The following ATF1 variants were observed in gnomAD, a reference collection of about 807,000 sequenced individuals.
The protein encoded by ATF1 is cyclic AMP-dependent transcription factor ATF-1.
Under a neutral mutation model 34.7 loss-of-function variants are expected in ATF1, and 16 were observed. That is an observed-to-expected ratio of 0.46 (90% CI 0.31 to 0.70). The LOEUF is 0.70. ATF1 is among the 30% of genes least tolerant of loss of function. The probability of loss-of-function intolerance (pLI) is 0.05; values close to 1 mark genes in which losing one functional copy is unlikely to be tolerated. For synonymous variants in ATF1, 105 were observed against 113.1 expected (o/e 0.93, Z 0.46); for missense variants, 255 against 321.6 (o/e 0.79, Z 1.58).
chr12:50,797,526 T>C (rs548214433), intron 3 of ATF1, among the ~76,000 whole-genome samples: 1 of 152,342 alleles, frequency 6.6e-6, no homozygotes, highest in South Asian at 2.1e-4. Context: ...TTGCCTGGGC[T>C]GGAGTGCAGT....
At chr12:50,815,296 A>C (rs1941820681) in intron 6 of ATF1, among the ~76,000 whole-genome samples, 1 of 131,492 alleles carries the variant, frequency 7.6e-6, no homozygotes. Flanking sequence ...GATGATCCTG[A>C]CCCTAGGCTA....
At chr12:50,769,362 C>CG (rs905118020) in intron 1 of ATF1, among the ~76,000 whole-genome samples, 2 of 151,924 alleles carry the variant, frequency 1.3e-5, no homozygotes, top group African/African-American at 2.4e-5. Context: ...AAAAGTTAGC[C>CG]GGGCATGGTG....
rs1941922377 is a variant in ATF1, at chr12:50,820,195, TTC to T, written c.*418_*419del. 3 of 207,672 alleles carry T rather than the reference TTC, an allele frequency of 1.4e-5. No individual in the cohort carries two copies. The allele number at this position is 207,672 out of a possible 1,614,324, so 12.9% of individuals were successfully genotyped here. ...ATATATGTGTGTGTGTGTGTGTAAT[TTC>T]TGCCAATAAATTCTAAATTACAAAG... On this transcript the variant is annotated 3_prime_UTR_variant, in exon 7 of 7. Coordinates refer to ENST00000262053, the MANE Select transcript of ATF1 (RefSeq NM_005171.5).
chr12:50,805,320 C>T (rs916478029), intron 3 of ATF1, among the ~76,000 whole-genome samples: 16 of 151,830 alleles, frequency 1.1e-4, no homozygotes, highest in African/African-American at 3.9e-4. Context: ...CTGTGGGAGG[C>T]CGAGGTGGCC....
At chr12:50,791,660 C>A (rs1941305096) in intron 2 of ATF1, among the ~76,000 whole-genome samples, 1 of 152,022 alleles carries the variant, frequency 6.6e-6, no homozygotes, top group African/African-American at 2.4e-5. Context: ...GAGAAGTAGT[C>A]CAGGATTTTA....
chr12:50,783,207 T>TG (rs950951096), intron 2 of ATF1, among the ~76,000 whole-genome samples: 4 of 152,298 alleles, frequency 2.6e-5, no homozygotes, highest in African/African-American at 7.2e-5. Flanking sequence ...ATAATAATTT[T>TG]GGGGGGTCCT....
chr12:50,781,209 T>C (rs144345836), intron 2 of ATF1, among the ~76,000 whole-genome samples: 3 of 152,326 alleles, frequency 2.0e-5, no homozygotes, highest in African/African-American at 7.2e-5. Context: ...ATATATAACC[T>C]ACATATTTTC....
intron 1 of ATF1, 46 bp from the exon 2 acceptor site, chr12:50,780,094 A>G: frequency 7.1e-7 from 1 of 1,415,638 alleles, no homozygotes; most frequent in Non-Finnish European, 1.0e-6. Flanking sequence ...TACTGTAAAC[A>G]TTCTGTATCA....
intron 3 of ATF1, among the ~76,000 whole-genome samples, chr12:50,806,148 C>T (rs1208373613): frequency 7.5e-6 from 1 of 133,890 alleles, no homozygotes; most frequent in African/African-American, 2.9e-5. Context: ...GAAACTGTCT[C>T]AAAGAAAAAA....
chr12:50,807,803 T>G (rs34250293), intron 3 of ATF1, among the ~76,000 whole-genome samples: 1,211 of 4,944 alleles, frequency 0.24, 14 homozygotes, highest in Middle Eastern at 0.5. Flanking sequence ...TGTGTGTGTG[T>G]TTTTTTTTTG....
At chr12:50,771,822 A>G (rs1336052575) in intron 1 of ATF1, among the ~76,000 whole-genome samples, 1 of 152,156 alleles carries the variant, frequency 6.6e-6, no homozygotes, top group Admixed American at 6.5e-5. Context: ...TGGCCACGAG[A>G]GTGACCTCTG....
chr12:50,778,880 C>T (rs773498341), intron 1 of ATF1, among the ~76,000 whole-genome samples: 16 of 152,160 alleles, frequency 1.1e-4, no homozygotes, highest in Admixed American at 2.0e-4. Context: ...CATGCCCAGC[C>T]CAGAACTTTT....
intron 2 of ATF1, among the ~76,000 whole-genome samples, chr12:50,785,463 T>C (rs779111368): frequency 1.8e-4 from 28 of 152,120 alleles, no homozygotes; most frequent in Non-Finnish European, 2.8e-4. Context: ...TGTAATATTA[T>C]CTGTGTTGGT....
intron 1 of ATF1, among the ~76,000 whole-genome samples, chr12:50,769,095 A>G (rs577427564): frequency 3.3e-5 from 5 of 152,382 alleles, no homozygotes; most frequent in South Asian, 2.1e-4. Flanking sequence ...AACTGAGACT[A>G]TTGAAGAGAC....
intron 3 of ATF1, among the ~76,000 whole-genome samples, chr12:50,807,750 A>G (rs985648073): frequency 6.6e-6 from 1 of 151,486 alleles, no homozygotes; most frequent in African/African-American, 2.4e-5. Flanking sequence ...CTTTTTTCAG[A>G]AGCAAACAAT....
Position 50,764,156 on chromosome 12 carries a change from G to C in ATF1, c.-158G>C, listed in dbSNP as rs1002383791. On this transcript the variant is annotated 5_prime_UTR_variant, in exon 1 of 7. Coordinates refer to ENST00000262053, the MANE Select transcript of ATF1 (RefSeq NM_005171.5). ...AGCTTAGGACAGTTGGCTGTTAAGT[G>C]ACACTGATTCTCCCCGCCCCGCCTG... The C allele has an allele frequency of 1.3e-5, 2 of 151,664 alleles. No individual in the cohort carries two copies. Among genetic ancestry groups the C allele is most frequent in the Non-Finnish European group, 2.9e-5 (2 of 67,978 alleles). The allele number at this position is 151,664 out of a possible 1,614,324, so 9.4% of individuals were successfully genotyped here.
At chr12:50,785,044 C>G (rs1941152854) in intron 2 of ATF1, among the ~76,000 whole-genome samples, 1 of 144,116 alleles carries the variant, frequency 6.9e-6, no homozygotes, top group East Asian at 2.1e-4. Flanking sequence ...CTATCCCTCC[C>G]CCCTCCCCGC....
At chr12:50,780,030 A>T (rs1302414308) in intron 1 of ATF1, 110 bp from the exon 2 acceptor site, 1 of 712,266 alleles carries the variant, frequency 1.4e-6, no homozygotes, top group Non-Finnish European at 2.2e-6. Flanking sequence ...CATTGCTACC[A>T]GTTCTTTTCC....
At chr12:50,770,619 A>G (rs1592164384) in intron 1 of ATF1, among the ~76,000 whole-genome samples, 2 of 152,238 alleles carry the variant, frequency 1.3e-5, no homozygotes, top group East Asian at 1.9e-4. Flanking sequence ...TATACAAACA[A>G]TCAGGCCAAG....
Sources: allele counts gnomAD v4.1 joint callset (sites outside exome capture counted in the v4.1 genomes callset), GRCh38; gene constraint gnomAD v4.1.1; transcripts MANE v1.5; gene names NCBI Gene and HGNC (gene_info 2026-07-23, HGNC 2026-07-21).